The following CAPN15 variants were observed in gnomAD, a reference collection of about 807,000 sequenced individuals.
CAPN15 encodes the protein calpain 15, also known as calpain-15.
Under a neutral mutation model 97.9 loss-of-function variants are expected in CAPN15, and 53 were observed. The observed-to-expected ratio is 0.54, with a 90% CI of 0.43 to 0.68. CAPN15 has a LOEUF of 0.68. Among genes scored for constraint, CAPN15 ranks in the 30% least tolerant of loss-of-function variants. The pLI is 0.00. For missense variants in CAPN15, 1,592 were observed against 1,589.8 expected, an observed-to-expected ratio of 1.00 and a Z score of -0.02; for synonymous variants, 922 against 722.5, an observed-to-expected ratio of 1.28 and a Z score of -4.43.
Position 547,717 on chromosome 16 carries a change from G to A in CAPN15, c.879G>A (p.Lys293=). The A allele has an allele frequency of 6.2e-7, 1 of 1,600,992 alleles. No individual in the cohort carries two copies. The highest frequency in any genetic ancestry group is 8.5e-7 in the Non-Finnish European group (1 of 1,172,326). Reference sequence around the variant, plus strand: ...GCCTAGCAGAGTTGCTGTCTGGCAAGCGGCTGAGTGTGCTGGAGGAAGAGG... The same window carrying A: ...GCCTAGCAGAGTTGCTGTCTGGCAAACGGCTGAGTGTGCTGGAGGAAGAGG... ...ASRLAELLSG[K]RLSVLEEEAT... is the part of the protein sequence containing the mutation. The change falls in exon 4 of 14, where the codon AAG becomes AAA. Residue 293 remains lysine, a synonymous_variant. Coordinates refer to ENST00000219611, the MANE Select transcript of CAPN15 (RefSeq NM_005632.3).
At chr16:536,446 G>A (rs1305017130) in intron 3 of CAPN15, among the ~76,000 whole-genome samples, 1 of 150,968 alleles carries the variant, frequency 6.6e-6, no homozygotes, top group Non-Finnish European at 1.5e-5. Flanking sequence ...TTTTTGAGAC[G>A]GAGTCTCGCT....
chr16:528,306 A>C (rs1004897769), intron 1 of CAPN15, among the ~76,000 whole-genome samples: 5 of 151,770 alleles, frequency 3.3e-5, no homozygotes, highest in African/African-American at 1.2e-4. Flanking sequence ...GACCTGGGCC[A>C]TGTGGGTCAC....
chr16:534,182 CCGTGGTCCTGTCGTGGGAGGCGACGGT>C (rs2033494417), intron 2 of CAPN15, among the ~76,000 whole-genome samples, 184 bp downstream of exon 2: 1 of 152,280 alleles, frequency 6.6e-6, no homozygotes. Context: ...GCCGTTTGGG[CCGTGGTCCTGTCGTGGGAGGCGACGGT>C]GAGGGCGGCC....
At chr16:544,786 C>T in intron 3 of CAPN15, among the ~76,000 whole-genome samples, 2 of 102,852 alleles carry the variant, frequency 1.9e-5, no homozygotes, top group African/African-American at 9.2e-5. Context: ...GTCGTCTCCC[C>T]CACGTCGTCG....
At chr16:540,367 C>G in intron 3 of CAPN15, 1 of 985,346 alleles carries the variant, frequency 1.0e-6, no homozygotes, top group Non-Finnish European at 1.2e-6. Flanking sequence ...GCCCCGGGCC[C>G]GAAGGTAAGA....
At position 547,403 on chromosome 16, in the gene CAPN15, GC is replaced by G; in HGVS notation, c.569del (p.Pro190ArgfsTer97). ...PEALVVPEVV[A>X]PAGFHVVPAA... The stretch of plus-strand genomic sequence containing the variant: ...GGCCCTGGTGGTCCCGGAAGTGGTG[GC>G]CCCGGCCGGCTTCCACGTCGTGCCT... On this transcript the variant is annotated frameshift_variant, in exon 4 of 14. Transcript: ENST00000219611. LOFTEE classifies it high-confidence loss of function. 6.4e-7 allele frequency: 1 copy of G among 1,564,866 alleles called. No homozygotes were observed.
At chr16:550,878 CCT>C (rs1488527516) in intron 7 of CAPN15, among the ~76,000 whole-genome samples, 1 of 129,860 alleles carries the variant, frequency 7.7e-6, no homozygotes, top group Admixed American at 7.2e-5. Context: ...GTGAGGGTCC[CCT>C]GTCGGTGAGG....
intron 3 of CAPN15, chr16:540,384 G>A: frequency 1.0e-6 from 1 of 984,154 alleles, no homozygotes; most frequent in South Asian, 4.7e-5. Flanking sequence ...AAGAGGTGGG[G>A]AGGGGTGGCC....
At chr16:540,174 C>T (rs974996004) in intron 3 of CAPN15, 71 of 985,268 alleles carry the variant, frequency 7.2e-5, no homozygotes, top group East Asian at 2.3e-4. Context: ...TCAGCACGGC[C>T]GCCGGCCGGG....
At chr16:544,983 C>G (rs1006280293) in intron 3 of CAPN15, among the ~76,000 whole-genome samples, 1 of 147,246 alleles carries the variant, frequency 6.8e-6, no homozygotes, top group African/African-American at 2.6e-5. Flanking sequence ...TTGCTGAGCA[C>G]GTGTGGCTGC....
chr16:548,336 C>T, intron 4 of CAPN15, 49 bp downstream of exon 4: 1 of 1,422,164 alleles, frequency 7.0e-7, no homozygotes, highest in Non-Finnish European at 9.2e-7. Context: ...CCTGCTCCCG[C>T]CCTCCCCTTC....
Position 533,825 on chromosome 16 carries a change from C to T in CAPN15, c.-189-121C>T, listed in dbSNP as rs898385006. 1.7e-4 allele frequency: 53 copies of T among 318,878 alleles called. 1 individual carries two copies. Among genetic ancestry groups the T allele is most frequent in the Non-Finnish European group, 2.0e-4 (44 of 220,510 alleles). 19.8% of individuals were successfully genotyped at this position (318,878 alleles called of 1,614,324 possible). Reference sequence around the variant, plus strand: ...ACAGCTTCTAAGGCGAAGGGTCTCCCGGGGCTGATTTCCCGGGACTCTGGC... The same window carrying T: ...ACAGCTTCTAAGGCGAAGGGTCTCCTGGGGCTGATTTCCCGGGACTCTGGC... On this transcript the variant is annotated intron_variant, in intron 1 of 13. Transcript: ENST00000219611.
chr16:541,586 T>C (rs7206751), intron 3 of CAPN15, among the ~76,000 whole-genome samples: 21,354 of 152,278 alleles, frequency 0.14, 1,847 homozygotes, highest in African/African-American at 0.24. Context: ...TCTCCACGTG[T>C]GCCGACAACA....
rs1348166699 is a variant in CAPN15, at chr16:554,600, G to A, written c.*1084G>A. ...TTCTCCACAGTGGCTTCCGACTCAG[G>A]CTCCAATGGACCAAATAAAAGCGTT... On this transcript the variant is annotated 3_prime_UTR_variant, in exon 14 of 14. Coordinates refer to ENST00000219611, the MANE Select transcript of CAPN15 (RefSeq NM_005632.3). 3 of 456,234 alleles carry A rather than the reference G, an allele frequency of 6.6e-6. No homozygotes were observed. The highest frequency in any genetic ancestry group is 1.3e-5 in the Non-Finnish European group (3 of 226,744). The allele number at this position is 456,234 out of a possible 1,614,324, so 28.3% of individuals were successfully genotyped here. A position where few individuals can be genotyped will look rare whatever the true frequency, so the allele number is the denominator to read the frequency against.
Position 527,738 on chromosome 16 carries a change from C to T in CAPN15, c.-481C>T, listed in dbSNP as rs1369281615. 2 of 150,708 alleles carry T rather than the reference C, an allele frequency of 1.3e-5. No homozygotes were observed. The highest frequency in any genetic ancestry group is 2.4e-5 in the African/African-American group (1 of 41,270). The allele number at this position is 150,708 out of a possible 1,614,324, so 9.3% of individuals were successfully genotyped here. On this transcript the variant is annotated 5_prime_UTR_variant, in exon 1 of 14. Transcript: ENST00000219611. Reference sequence around the variant, plus strand: ...TAGTCCGGGCGCGCGATTCACAGCGCCGCGTGCGCCCCGGGCGCGCCGTAG... The same window carrying T: ...TAGTCCGGGCGCGCGATTCACAGCGTCGCGTGCGCCCCGGGCGCGCCGTAG...
In CAPN15 at chr16:535,006, A is replaced by T. The variant is rs1270856181; in HGVS notation, c.-137+1008A>T. 2.6e-5 allele frequency among the ~76,000 whole-genome samples: 4 copies of T among 151,930 alleles called. No individual in the cohort carries two copies. The highest frequency in any genetic ancestry group is 9.7e-5 in the African/African-American group (4 of 41,340). Reference sequence around the variant, plus strand: ...GCCGTGTACATGATTAGTTAGCGAGACAGTGAGGAGTGTATGCGGAGTGGA... The same window carrying T: ...GCCGTGTACATGATTAGTTAGCGAGTCAGTGAGGAGTGTATGCGGAGTGGA... On this transcript the variant is annotated intron_variant, in intron 2 of 13. Coordinates refer to ENST00000219611, the MANE Select transcript of CAPN15 (RefSeq NM_005632.3). This position sits in a 1 kb window ranked among gnomAD's most constrained non-coding sequence, Gnocchi z 6.2.
At position 553,850 on chromosome 16, in the gene CAPN15, T is replaced by G. The variant is rs2142092766; in HGVS notation, c.*334T>G. 2 of 242,870 alleles carry G rather than the reference T, an allele frequency of 8.2e-6. No homozygotes were observed. The highest frequency in any genetic ancestry group is 1.6e-5 in the Non-Finnish European group (2 of 125,738). 15.0% of individuals were successfully genotyped at this position (242,870 alleles called of 1,614,324 possible). A position where few individuals can be genotyped will look rare whatever the true frequency, so the allele number is the denominator to read the frequency against. On this transcript the variant is annotated 3_prime_UTR_variant, in exon 14 of 14. Transcript: ENST00000219611. ...TGTGGGCTCAGGGTCTCCTGCGGGC[T>G]AGGCAGCCAGGAGCTCTGTCCGCAA...
intron 3 of CAPN15, chr16:539,437 A>AG (rs748411183): frequency 6.6e-6 from 1 of 152,278 alleles, no homozygotes; most frequent in African/African-American, 2.4e-5. Flanking sequence ...CCTCAGCCAG[A>AG]GGGGGTAAGG....
rs9922777 is a variant in CAPN15 at position 552,595 on chromosome 16, G to C, written c.2738-10G>C. ...GGGGAGGGCTGCGGTTCACACGCCCGTCCTTGTAGCCTCCAGCCCCTCGGC... is the reference window on the plus strand; with the variant it reads ...GGGGAGGGCTGCGGTTCACACGCCCCTCCTTGTAGCCTCCAGCCCCTCGGC... On this transcript the variant is annotated splice_polypyrimidine_tract_variant and intron_variant, in intron 11 of 13. Transcript: ENST00000219611. The surrounding 1 kb of genome is among the most constrained non-coding windows in gnomAD (Gnocchi z 6.4). 0.15 allele frequency: 236,253 copies of C among 1,543,222 alleles called. 22,331 individuals are homozygous for C. The highest frequency in any genetic ancestry group is 0.42 in the East Asian group (17,539 of 41,272).
Sources: gnomAD v4.1 joint callset for allele counts (sites outside exome capture counted in the v4.1 genomes callset) on GRCh38, gnomAD v4.1.1 for gene constraint, Gnocchi (gnomAD v3.1) non-coding constraint, MANE v1.5 for transcripts, NCBI Gene and HGNC (gene_info 2026-07-23, HGNC 2026-07-21) for gene names.